Variants in KIF1A observed in about 807,000 individuals in gnomAD.
KIF1A encodes kinesin-like protein KIF1A.
A neutral mutation model predicts 227.3 loss-of-function variants in KIF1A; 46 were observed. That is an observed-to-expected ratio of 0.20 (90% CI 0.16 to 0.26). The LOEUF (loss-of-function observed/expected upper bound fraction) is 0.26. KIF1A is among the 10% of genes least tolerant of loss of function. The pLI, the probability that KIF1A is intolerant of heterozygous loss-of-function variation, is 1.00. For synonymous variants in KIF1A, 1,022 were observed against 1,012.8 expected, an observed-to-expected ratio of 1.01 and a Z score of -0.17; for missense variants, 1,683 against 2,485.9, an observed-to-expected ratio of 0.68 and a Z score of 6.87.
rs552643698 is a variant in KIF1A, at chr2:240,716,060, C to G, written c.*1304G>C. 2 of 152,360 alleles carry G rather than the reference C, an allele frequency of 1.3e-5. No homozygotes were observed. The highest frequency in any genetic ancestry group is 4.2e-4 in the South Asian group (2 of 4,818). The allele number at this position is 152,360 out of a possible 1,614,324, so 9.4% of individuals were successfully genotyped here. Reference sequence around the variant, plus strand: ...CCCCCGTCCTGTCCTGGGTGGCCCTCGGACATTGGTGTCTGCAGAGGGGGT... The same window carrying G: ...CCCCCGTCCTGTCCTGGGTGGCCCTGGGACATTGGTGTCTGCAGAGGGGGT... On this transcript the variant is annotated 3_prime_UTR_variant, in exon 49 of 49. Transcript: ENST00000498729.
In KIF1A at chr2:240,743,924, C is replaced by T. The variant is rs1290888272; in HGVS notation, c.3584+18G>A. ...TTTGAGGACAGCAGCCCCGAACCCCCCGACCCAGGGCGCTAACCTGAGCAC... is the reference window on the plus strand; with the variant it reads ...TTTGAGGACAGCAGCCCCGAACCCCTCGACCCAGGGCGCTAACCTGAGCAC... On this transcript the variant is annotated intron_variant, in intron 33 of 48. Transcript: ENST00000498729. 2.6e-6 allele frequency: 4 copies of T among 1,567,206 alleles called. No individual in the cohort carries two copies. In the African/African-American group the frequency reaches 4.1e-5, roughly 16 times the overall value.
chr2:240,791,565 C>T (rs996695679), intron 2 of KIF1A, among the ~76,000 whole-genome samples: 59 of 151,514 alleles, frequency 3.9e-4, no homozygotes, highest in Middle Eastern at 3.4e-3. Context: ...TCGGGCTCCC[C>T]GCACAGGCCT....
chr2:240,760,206 C>G (rs2050345211), intron 25 of KIF1A, among the ~76,000 whole-genome samples: 1 of 152,194 alleles, frequency 6.6e-6, no homozygotes, highest in African/African-American at 2.4e-5. Context: ...AGGGATCCAC[C>G]TCCCGGCAGC....
chr2:240,720,712 A>C, intron 45 of KIF1A: 1 of 519,460 alleles, frequency 1.9e-6, no homozygotes, highest in Non-Finnish European at 3.4e-6. Flanking sequence ...CACACACACT[A>C]GGATGGAGCT....
intron 44 of KIF1A, among the ~76,000 whole-genome samples, chr2:240,721,490 T>C (rs2045377073): frequency 6.6e-6 from 1 of 152,142 alleles, no homozygotes; most frequent in Admixed American, 6.5e-5. Context: ...GGAGCTTGAC[T>C]GACTGGGCCA....
At chr2:240,765,688 C>A (rs762413770) in intron 20 of KIF1A, 22 bp downstream of exon 20, 2 of 1,588,624 alleles carry the variant, frequency 1.3e-6, no homozygotes, top group Non-Finnish European at 1.7e-6. Flanking sequence ...ACCTGACTGG[C>A]CCCCGGAGTC....
chr2:240,736,964 G>T lies in KIF1A; in HGVS notation c.4007+99C>A, dbSNP rs1308941759. The T allele has an allele frequency of 5.2e-6, 5 of 961,528 alleles. No homozygotes were observed. The highest frequency in any genetic ancestry group is 3.2e-5 in the African/African-American group (2 of 62,508). The allele number at this position is 961,528 out of a possible 1,614,324, so 59.6% of individuals were successfully genotyped here. ...AGGGAGGGCCGGGAGAGCGTTGAGC[G>T]GGTCACCTTGTGTGGCTGAACCCTG... On this transcript the variant is annotated intron_variant, in intron 38 of 48. Coordinates refer to ENST00000498729, the MANE Select transcript of KIF1A (RefSeq NM_001244008.2). This position sits in a 1 kb window ranked among gnomAD's most constrained non-coding sequence, Gnocchi z 4.7.
rs561010842 is a variant in KIF1A at position 240,731,302 on chromosome 2, C to T, written c.4008-4362G>A. On this transcript the variant is annotated intron_variant, in intron 38 of 48. Transcript: ENST00000498729. ...ATGCCAGGCACAGACTAAACAGAGGCAGGGAGGGGGTGGGGGCGCAGCTGG... is the reference window on the plus strand; with the variant it reads ...ATGCCAGGCACAGACTAAACAGAGGTAGGGAGGGGGTGGGGGCGCAGCTGG... Among the ~76,000 whole-genome samples, 6 of 149,528 alleles carry T rather than the reference C, an allele frequency of 4.0e-5. No individual in the cohort carries two copies. The South Asian group carries it at 1.3e-3, about 31-fold the overall frequency.
In KIF1A at chr2:240,771,015, T is replaced by A. The variant is rs2125950614; in HGVS notation, c.1297A>T (p.Ile433Phe). 3.1e-6 allele frequency: 5 copies of A among 1,612,978 alleles called. No homozygotes were observed. The highest frequency in any genetic ancestry group is 4.2e-6 in the Non-Finnish European group (5 of 1,179,840). Residue 433 changes from isoleucine to phenylalanine, a missense_variant, in exon 15 of 49, where the codon ATC becomes TTC. By Grantham distance (21) the Ile-to-Phe change is conservative. Coordinates refer to ENST00000498729, the MANE Select transcript of KIF1A (RefSeq NM_001244008.2). ...TCCTCGCTGCCCGGGGCAAACAAGA[T>A]GCGCTCGTGGAGGCTGGACACGGAG... Reference protein sequence around the residue: ...AASVSSLHERILFAPGSEEAI... With the variant: ...AASVSSLHERFLFAPGSEEAI...
chr2:240,784,895 G>A (rs1053052030), intron 7 of KIF1A, 94 bp downstream of exon 7: 6 of 1,007,162 alleles, frequency 6.0e-6, no homozygotes, highest in Middle Eastern at 4.3e-4. Flanking sequence ...CATTGGGCCT[G>A]TCCTTGTGCT....
At chr2:240,787,137 C>T in intron 5 of KIF1A, 114 bp downstream of exon 5, 1 of 845,186 alleles carries the variant, frequency 1.2e-6, no homozygotes, top group South Asian at 1.4e-5. Flanking sequence ...GAGTGAGGGA[C>T]AAGCTGGGCG....
intron 37 of KIF1A, 160 bp from the exon 38 acceptor site, chr2:240,737,328 GTC>G: frequency 1.7e-6 from 1 of 595,448 alleles, no homozygotes; most frequent in South Asian, 1.9e-5. Context: ...GCCCTACAGG[GTC>G]CTCAGCAACC....
chr2:240,734,704 G>A (rs1383282096), intron 38 of KIF1A: 2 of 1,304,218 alleles, frequency 1.5e-6, no homozygotes, highest in South Asian at 2.5e-5. Context: ...GTAAACCAAG[G>A]GTCACAGATG....
At chr2:240,767,043 A>G (rs1238677952) in intron 18 of KIF1A, 22 bp from the exon 19 acceptor site, 7 of 1,564,656 alleles carry the variant, frequency 4.5e-6, no homozygotes, top group African/African-American at 1.4e-5. Flanking sequence ...GGGCACCATC[A>G]GCACGGCAGC....
intron 1 of KIF1A, among the ~76,000 whole-genome samples, chr2:240,802,000 C>T (rs969474992): frequency 8.7e-5 from 13 of 149,278 alleles, no homozygotes; most frequent in African/African-American, 3.2e-4. Flanking sequence ...AGAAGCTCTA[C>T]AAACACAAAG....
intron 42 of KIF1A, 27 bp downstream of exon 42, chr2:240,723,386 G>A (rs749262269): frequency 4.6e-5 from 71 of 1,532,412 alleles, no homozygotes; most frequent in Middle Eastern, 3.4e-4. Context: ...ACCACCGTGC[G>A]GGCCTCATCC....
chr2:240,774,316 G>A, intron 11 of KIF1A, 55 bp from the exon 12 acceptor site: 1 of 1,199,458 alleles, frequency 8.3e-7, no homozygotes, highest in South Asian at 1.2e-5. Context: ...CCAGGGCTAT[G>A]TCTGCTCCCC....
At chr2:240,732,482 G>A (rs2046820625) in intron 38 of KIF1A, among the ~76,000 whole-genome samples, 1 of 140,700 alleles carries the variant, frequency 7.1e-6, no homozygotes, top group African/African-American at 2.6e-5. Context: ...GGGGTGAGGG[G>A]AGGAAAGGGT....
Position 240,773,053 on chromosome 2 carries a change from C to T in KIF1A, c.1180+61G>A, listed in dbSNP as rs535672456. On this transcript the variant is annotated intron_variant, in intron 13 of 48. Coordinates refer to ENST00000498729, the MANE Select transcript of KIF1A (RefSeq NM_001244008.2). ...CCAGGAGAGAGGATGTGATGACCTG[C>T]GAGGCCCCTGAGCCTGAGGCCCCAC... The T allele has an allele frequency of 1.5e-4, 231 of 1,504,954 alleles. 1 individual carries two copies. The highest frequency in any genetic ancestry group is 1.4e-3 in the East Asian group (57 of 41,180). 93.2% of individuals were successfully genotyped at this position (1,504,954 alleles called of 1,614,324 possible).
Sources: gnomAD v4.1 joint callset for allele counts (sites outside exome capture counted in the v4.1 genomes callset) on GRCh38, gnomAD v4.1.1 for gene constraint, Gnocchi (gnomAD v3.1) non-coding constraint, MANE v1.5 for transcripts, NCBI Gene and HGNC (gene_info 2026-07-23, HGNC 2026-07-21) for gene names.